Variants in RAB1B observed in about 807,000 individuals in gnomAD.
The protein encoded by RAB1B is RAB1B, member RAS oncogene family.
RAB1B carries 10 observed loss-of-function variants against 24.8 expected under a neutral mutation model. The observed-to-expected ratio is 0.40, with a 90% CI of 0.25 to 0.68. The LOEUF is 0.68. Ranked by LOEUF, RAB1B falls within the 30% of genes least tolerant of loss-of-function variation. The pLI is 0.37. For synonymous variants in RAB1B, 99 were observed against 111.7 expected (o/e 0.89, Z 0.72); for missense variants, 154 against 271.2 (o/e 0.57, Z 3.04).
In RAB1B at chr11:66,276,225, G is replaced by A. The variant is rs760079620; in HGVS notation, c.593G>A (p.Gly198Asp). ...AGCACCCCTGTAAAGCCGGCTGGCG[G>A]TGGCTGTTGCTAGGAGGGGCACATG... ...IDSTPVKPAG[G>D]GCC The change falls in exon 6 of 6, where the codon GGT becomes GAT. Residue 198 changes from glycine to aspartate, a missense_variant. Transcript: ENST00000311481. 7 of 1,590,716 alleles carry A rather than the reference G, an allele frequency of 4.4e-6. No individual in the cohort carries two copies. The East Asian group carries it at 1.6e-4, about 36-fold the overall frequency.
Position 66,276,180 on chromosome 11 carries a change from G to A in RAB1B, c.548G>A (p.Arg183Gln), listed in dbSNP as rs1229492996. Residue 183 changes from arginine to glutamine, a missense_variant, in exon 6 of 6, where the codon CGG (arginine) becomes CAG (glutamine). Coordinates refer to ENST00000311481, the MANE Select transcript of RAB1B (RefSeq NM_030981.3). The stretch of plus-strand genomic sequence containing the variant: ...CCTGGAGCAGCCTCTGGGGGCGAGC[G>A]GCCCAATCTCAAGATCGACAGCACC... The part of the protein sequence containing the change: ...MGPGAASGGE[R>Q]PNLKIDSTPV... 6.2e-6 allele frequency: 10 copies of A among 1,606,276 alleles called. No homozygotes were observed. The highest frequency in any genetic ancestry group is 2.2e-5 in the South Asian group (2 of 89,722).
At position 66,276,438 on chromosome 11, in the gene RAB1B, C is replaced by T. The variant is rs1415234517; in HGVS notation, c.*200C>T. On this transcript the variant is annotated 3_prime_UTR_variant, in exon 6 of 6. Transcript: ENST00000311481. ...GTCAGGGTCCCTAAGGGAGGACACT[C>T]AGGGCCTGTGGCCAGGCAGGGCGGA... 7.0e-6 allele frequency: 4 copies of T among 574,196 alleles called. No individual in the cohort carries two copies. Among genetic ancestry groups the T allele is most frequent in the South Asian group, 2.6e-5 (1 of 39,070 alleles). The allele number at this position is 574,196 out of a possible 1,614,324, so 35.6% of individuals were successfully genotyped here.
intron 1 of RAB1B, among the ~76,000 whole-genome samples, chr11:66,269,124 T>A (rs1409649377): frequency 6.6e-6 from 1 of 152,014 alleles, no homozygotes; most frequent in African/African-American, 2.4e-5. Flanking sequence ...CCCTCTACCC[T>A]TCTCTTTCTC....
Position 66,268,709 on chromosome 11 carries a change from C to T in RAB1B, c.14+16C>T, listed in dbSNP as rs748055278. On this transcript the variant is annotated intron_variant, in intron 1 of 5. Transcript: ENST00000311481. ...ACCCCGAATAGTGAGTGAGCCCCGC[C>T]CGCGCCGTCCAGCGCAGCCTCGATC... is the stretch of plus-strand genomic sequence containing the variant. 156 of 1,562,738 alleles carry T rather than the reference C, an allele frequency of 1.0e-4. 2 individuals are homozygous for T. In the Admixed American group the frequency reaches 3.0e-3, roughly 30 times the overall value.
At chr11:66,274,480 A>G (rs1857110045) in intron 4 of RAB1B, among the ~76,000 whole-genome samples, 1 of 152,110 alleles carries the variant, frequency 6.6e-6, no homozygotes, top group African/African-American at 2.4e-5. Flanking sequence ...GTCTGACTAA[A>G]TCCTGTGTGC....
intron 1 of RAB1B, 43 bp downstream of exon 1, chr11:66,268,736 C>G: frequency 6.5e-7 from 1 of 1,549,120 alleles, no homozygotes; most frequent in Non-Finnish European, 8.7e-7. Flanking sequence ...GCCTCGATCC[C>G]GAATACAGGG....
Position 66,268,671 on chromosome 11 carries a change from G to C in RAB1B, c.-9G>C, listed in dbSNP as rs1856982920. Reference sequence around the variant, plus strand: ...ACTGGGAGCGACCGAGCGGGCCGCCGCCGCCGCCATGAACCCCGAATAGTG... The same window carrying C: ...ACTGGGAGCGACCGAGCGGGCCGCCCCCGCCGCCATGAACCCCGAATAGTG... On this transcript the variant is annotated 5_prime_UTR_variant, in exon 1 of 6. Coordinates refer to ENST00000311481, the MANE Select transcript of RAB1B (RefSeq NM_030981.3). The C allele has an allele frequency of 6.4e-7, 1 of 1,564,592 alleles. No homozygotes were observed. Among genetic ancestry groups the C allele is most frequent in the African/African-American group, 1.4e-5 (1 of 73,684 alleles).
intron 1 of RAB1B, among the ~76,000 whole-genome samples, chr11:66,268,913 T>C (rs1274373793): frequency 7.1e-6 from 1 of 140,846 alleles, no homozygotes; most frequent in African/African-American, 2.6e-5. Flanking sequence ...GGCCCAGACG[T>C]GGCGACCCCC....
At chr11:66,273,416 C>T (rs1378224651) in intron 4 of RAB1B, among the ~76,000 whole-genome samples, 1 of 152,206 alleles carries the variant, frequency 6.6e-6, no homozygotes, top group Non-Finnish European at 1.5e-5. Context: ...AGCACATTGA[C>T]CTCTCGTGGC....
Position 66,277,103 on chromosome 11 carries a change from A to C in RAB1B, c.*865A>C, listed in dbSNP as rs1409585714. 6.5e-6 allele frequency: 1 copy of C among 152,840 alleles called. No individual in the cohort carries two copies. The highest frequency in any genetic ancestry group is 1.5e-5 in the Non-Finnish European group (1 of 68,204). The allele number at this position is 152,840 out of a possible 1,614,324, so 9.5% of individuals were successfully genotyped here. A position where few individuals can be genotyped will look rare whatever the true frequency, so the allele number is the denominator to read the frequency against. ...CCCCACTCCGTCTCTGGAGCCCACC[A>C]GGGAAGGCCCTCATCCCCTGCCGCT... On this transcript the variant is annotated 3_prime_UTR_variant, in exon 6 of 6. Coordinates refer to ENST00000311481, the MANE Select transcript of RAB1B (RefSeq NM_030981.3).
intron 4 of RAB1B, among the ~76,000 whole-genome samples, chr11:66,274,427 G>A (rs146355572): frequency 0.013 from 1,944 of 152,218 alleles, 37 homozygotes; most frequent in African/African-American, 0.044. Context: ...AACATACCTG[G>A]GGTCACACAG....
rs111788880 is a variant in RAB1B, at chr11:66,273,669, G to A, written c.279+1209G>A. On this transcript the variant is annotated intron_variant, in intron 4 of 5. Coordinates refer to ENST00000311481, the MANE Select transcript of RAB1B (RefSeq NM_030981.3). ...TCTGTGATTCCTGCATCTAACAGCC[G>A]TGGCTGTGGCTTCCCTCCTCTGTCC... Among the ~76,000 whole-genome samples, 1,312 of 152,278 alleles carry A rather than the reference G, an allele frequency of 8.6e-3. 11 individuals are homozygous for A. The highest frequency in any genetic ancestry group is 0.029 in the African/African-American group (1,207 of 41,552).
At chr11:66,274,743 C>A (rs1857114323) in intron 4 of RAB1B, among the ~76,000 whole-genome samples, 1 of 139,484 alleles carries the variant, frequency 7.2e-6, no homozygotes, top group South Asian at 2.7e-4. Flanking sequence ...CCCCTCTTGC[C>A]TTTCTCCTCC....
At chr11:66,272,519 C>A in intron 4 of RAB1B, 59 bp downstream of exon 4, 1 of 1,079,902 alleles carries the variant, frequency 9.3e-7, no homozygotes, top group South Asian at 1.6e-5. Flanking sequence ...TTTGACTCTT[C>A]TTTTTCCTCC....
chr11:66,269,224 C>G lies in RAB1B; in HGVS notation c.14+531C>G, dbSNP rs549686251. On this transcript the variant is annotated intron_variant, in intron 1 of 5. Transcript: ENST00000311481. ...GCTTGGGTCGCGTCTCCCGCAGGTC[C>G]TCTCTTCCGGGGCTGCCTCCTACCC... 3.3e-5 allele frequency among the ~76,000 whole-genome samples: 5 copies of G among 152,254 alleles called. No individual in the cohort carries two copies. The South Asian group carries it at 1.0e-3, about 32-fold the overall frequency.
At position 66,276,563 on chromosome 11, in the gene RAB1B, A is replaced by G. The variant is rs1258922950; in HGVS notation, c.*325A>G. The G allele has an allele frequency of 9.9e-6, 3 of 302,810 alleles. No individual in the cohort carries two copies. Among genetic ancestry groups the G allele is most frequent in the Non-Finnish European group, 1.2e-5 (2 of 163,796 alleles). The allele number at this position is 302,810 out of a possible 1,614,324, so 18.8% of individuals were successfully genotyped here. A position where few individuals can be genotyped will look rare whatever the true frequency, so the allele number is the denominator to read the frequency against. ...TTCTGTCGGTGTCCCTCCCACCCCC[A>G]TGTATGCTGCACTGGGTTCTCTCCT... is the stretch of plus-strand genomic sequence containing the variant. On this transcript the variant is annotated 3_prime_UTR_variant, in exon 6 of 6. Transcript: ENST00000311481.
At chr11:66,272,003 T>C in intron 2 of RAB1B, 134 bp downstream of exon 2, 1 of 941,274 alleles carries the variant, frequency 1.1e-6, no homozygotes, top group Non-Finnish European at 1.8e-6. Flanking sequence ...CACCAGCACA[T>C]CTGCCCTGAA....
Position 66,268,662 on chromosome 11 carries a change from C to A in RAB1B, c.-18C>A, listed in dbSNP as rs1402820202. On this transcript the variant is annotated 5_prime_UTR_variant, in exon 1 of 6. Transcript: ENST00000311481. ...GCAGAGTCGACTGGGAGCGACCGAG[C>A]GGGCCGCCGCCGCCGCCATGAACCC... The A allele has an allele frequency of 6.4e-7, 1 of 1,561,008 alleles. No individual in the cohort carries two copies. The highest frequency in any genetic ancestry group is 2.0e-5 in the Admixed American group (1 of 50,610).
Position 66,271,830 on chromosome 11 carries a change from C to G in RAB1B, c.48C>G (p.Asp16Glu). ...TGTTTAAGCTGCTTTTGATTGGCGA[C>G]TCAGGCGTGGGCAAGTCATGCCTGC... ...DYLFKLLLIG[D>E]SGVGKSCLLL... Residue 16 changes from aspartate (D) to glutamate (E), a missense_variant, in exon 2 of 6, where the codon GAC becomes GAG. By Grantham distance (45) the Asp-to-Glu change is conservative. Coordinates refer to ENST00000311481, the MANE Select transcript of RAB1B (RefSeq NM_030981.3). 6.2e-7 allele frequency: 1 copy of G among 1,614,142 alleles called. No homozygotes were observed. The highest frequency in any genetic ancestry group is 8.5e-7 in the Non-Finnish European group (1 of 1,180,008).
Sources: allele counts gnomAD v4.1 joint callset (sites outside exome capture counted in the v4.1 genomes callset), GRCh38; gene constraint gnomAD v4.1.1; transcripts MANE v1.5; gene names NCBI Gene and HGNC (gene_info 2026-07-23, HGNC 2026-07-21).